The following HSPA1L variants were observed in gnomAD, a reference collection of about 807,000 sequenced individuals.
HSPA1L encodes the protein heat shock protein family A (Hsp70) member 1 like, also known as heat shock 70 kDa protein 1-like.
Under a neutral mutation model 31.5 loss-of-function variants are expected in HSPA1L, and 21 were observed. The ratio of observed to expected loss-of-function variants is 0.67; its 90% confidence interval spans 0.47 to 0.96. The LOEUF is 0.96. Among genes scored for constraint, HSPA1L ranks in the 40% least tolerant of loss-of-function variants. HSPA1L has a pLI of 0.00. For synonymous variants in HSPA1L, 293 were observed against 323.1 expected, an observed-to-expected ratio of 0.91 and a Z score of 1.00; for missense variants, 709 against 813.4, an observed-to-expected ratio of 0.87 and a Z score of 1.56.
intron 1 of HSPA1L, among the ~76,000 whole-genome samples, chr6:31,813,837 A>G (rs927183493): frequency 2.6e-5 from 4 of 152,146 alleles, no homozygotes; most frequent in Non-Finnish European, 5.9e-5. Context: ...TCCTGTTCCT[A>G]TATATTTTAC....
chr6:31,812,592 G>A (rs1026111422), intron 1 of HSPA1L, among the ~76,000 whole-genome samples: 10 of 151,968 alleles, frequency 6.6e-5, no homozygotes, highest in Non-Finnish European at 1.5e-4. Context: ...CCAAGTACTG[G>A]GATTACAGGA....
Position 31,810,414 on chromosome 6 carries a change from A to T in HSPA1L, c.1559T>A (p.Met520Lys). ...GRLSKEEIER[M>K]VLDAEKYKAE... The stretch of plus-strand genomic sequence containing the variant: ...TTTATATTTCTCAGCATCCAGAACC[A>T]TGCGCTCAATCTCCTCCTTGCTCAG... Residue 520 changes from methionine (M) to lysine (K), a missense_variant, in exon 2 of 2, where the codon ATG (methionine) becomes AAG (lysine). Met to Lys is a moderately conservative substitution (Grantham distance 95). Transcript: ENST00000375654. The T allele has an allele frequency of 6.2e-7, 1 of 1,613,826 alleles. No homozygotes were observed. The highest frequency in any genetic ancestry group is 8.5e-7 in the Non-Finnish European group (1 of 1,179,918).
In HSPA1L at chr6:31,810,435, C is replaced by G. The variant is rs1166029147; in HGVS notation, c.1538G>C (p.Ser513Thr). The G allele has an allele frequency of 6.2e-7, 1 of 1,613,988 alleles. No homozygotes were observed. The highest frequency in any genetic ancestry group is 1.3e-5 in the African/African-American group (1 of 75,010). Reference protein sequence around the residue: ...ITITNDKGRLSKEEIERMVLD... With the variant: ...ITITNDKGRLTKEEIERMVLD... ...AACCATGCGCTCAATCTCCTCCTTG[C>G]TCAGGCGGCCCTTGTCATTGGTGAT... Residue 513 changes from serine (S) to threonine (T), a missense_variant, in exon 2 of 2, where the codon AGC becomes ACC. Transcript: ENST00000375654.
intron 1 of HSPA1L, among the ~76,000 whole-genome samples, chr6:31,812,460 A>G (rs1025011038): frequency 1.3e-5 from 2 of 151,982 alleles, no homozygotes; most frequent in Non-Finnish European, 2.9e-5. Flanking sequence ...TACGTGAGCC[A>G]CCGTGACCAG....
rs35028415 is a variant in HSPA1L, at chr6:31,813,335, ACT to A, written c.-13-1352_-13-1351del. ...TGATTTTGTTTTGAGACAGAGTCTCACTCTGTTACCCAGGCTGGAGTGCAGTG... is the reference window on the plus strand; with the variant it reads ...TGATTTTGTTTTGAGACAGAGTCTCACTGTTACCCAGGCTGGAGTGCAGTG... On this transcript the variant is annotated intron_variant, in intron 1 of 1. Transcript: ENST00000375654. Among the ~76,000 whole-genome samples the A allele has an allele frequency of 3.9e-5, 6 of 152,046 alleles. No homozygotes were observed. In the East Asian group the frequency reaches 1.2e-3, roughly 29 times the overall value.
In HSPA1L at chr6:31,812,005, T is replaced by C. The variant is rs552349811; in HGVS notation, c.-13-20A>G. On this transcript the variant is annotated intron_variant, in intron 1 of 1. Transcript: ENST00000375654. Reference sequence around the variant, plus strand: ...TGAGGCCTATGGAGAAAGAATAAGATACTGTTTTGGGAGAGTGCTTTTCAA... The same window carrying C: ...TGAGGCCTATGGAGAAAGAATAAGACACTGTTTTGGGAGAGTGCTTTTCAA... The C allele has an allele frequency of 2.1e-5, 34 of 1,608,698 alleles. No homozygotes were observed. In the South Asian group the frequency reaches 3.4e-4, roughly 16 times the overall value.
At chr6:31,814,634 CCCCCTTACCCCGCCTT>C (rs35896792) in intron 1 of HSPA1L, among the ~76,000 whole-genome samples, 57 of 139,198 alleles carry the variant, frequency 4.1e-4, no homozygotes, top group Non-Finnish European at 6.1e-4. Flanking sequence ...TACCCCGCCT[CCCCCTTACCCCGCCTT>C]CCCCGCCTCC....
chr6:31,815,148 A>G lies in HSPA1L; in HGVS notation c.-273T>C. The G allele has an allele frequency of 2.6e-6, 1 of 381,102 alleles. No homozygotes were observed. Among genetic ancestry groups the G allele is most frequent in the Non-Finnish European group, 3.7e-6 (1 of 268,528 alleles). 23.6% of individuals were successfully genotyped at this position (381,102 alleles called of 1,614,324 possible). On this transcript the variant is annotated 5_prime_UTR_variant, in exon 1 of 2. Coordinates refer to ENST00000375654, the MANE Select transcript of HSPA1L (RefSeq NM_005527.4). ...CCCCCACCCTCCCCTGGACGCGCGT[A>G]ACCCGCTCCCCGCACCAGCCCCCTG...
chr6:31,810,415 T>C lies in HSPA1L; in HGVS notation c.1558A>G (p.Met520Val), dbSNP rs769779342. 6.2e-7 allele frequency: 1 copy of C among 1,613,878 alleles called. No homozygotes were observed. The highest frequency in any genetic ancestry group is 8.5e-7 in the Non-Finnish European group (1 of 1,179,930). Residue 520 changes from methionine (M) to valine (V), a missense_variant, in exon 2 of 2, where the codon ATG becomes GTG. Transcript: ENST00000375654. ...GRLSKEEIER[M>V]VLDAEKYKAE... The stretch of plus-strand genomic sequence containing the variant: ...TTATATTTCTCAGCATCCAGAACCA[T>C]GCGCTCAATCTCCTCCTTGCTCAGG...
Position 31,810,418 on chromosome 6 carries a change from G to C in HSPA1L, c.1555C>G (p.Arg519Gly). Reference sequence around the variant, plus strand: ...TATTTCTCAGCATCCAGAACCATGCGCTCAATCTCCTCCTTGCTCAGGCGG... The same window carrying C: ...TATTTCTCAGCATCCAGAACCATGCCCTCAATCTCCTCCTTGCTCAGGCGG... ...KGRLSKEEIE[R>G]MVLDAEKYKA... Residue 519 changes from arginine to glycine, a missense_variant, in exon 2 of 2, where the codon CGC (arginine) becomes GGC (glycine). By Grantham distance (125) the Arg-to-Gly change is moderately radical. Coordinates refer to ENST00000375654, the MANE Select transcript of HSPA1L (RefSeq NM_005527.4). 6.2e-7 allele frequency: 1 copy of C among 1,613,724 alleles called. No individual in the cohort carries two copies. The highest frequency in any genetic ancestry group is 8.5e-7 in the Non-Finnish European group (1 of 1,179,884).
intron 1 of HSPA1L, among the ~76,000 whole-genome samples, chr6:31,812,805 G>A (rs528632754): frequency 1.3e-5 from 2 of 151,862 alleles, no homozygotes; most frequent in East Asian, 1.9e-4. Context: ...TCCCTTTATC[G>A]CCTGGTAACA....
At chr6:31,812,097 T>A in intron 1 of HSPA1L, 112 bp from the exon 2 acceptor site, 2 of 1,307,626 alleles carry the variant, frequency 1.5e-6, no homozygotes, top group Non-Finnish European at 2.1e-6. Context: ...GGCGCAGTCA[T>A]AGCTCACTGC....
In HSPA1L at chr6:31,811,584, T is replaced by A; in HGVS notation, c.389A>T (p.Lys130Met). The change falls in exon 2 of 2, where the codon AAG becomes ATG. Residue 130 changes from lysine to methionine, a missense_variant. Physicochemically the swap from Lys to Met is moderately conservative, Grantham distance 95. Coordinates refer to ENST00000375654, the MANE Select transcript of HSPA1L (RefSeq NM_005527.4). ...GCCCAAAAAGGCCTCAGCAGTCTCC[T>A]TCAACTTAGTCAATACCATCGAAGA... The part of the protein sequence containing the change: ...EISSMVLTKL[K>M]ETAEAFLGHP... 1 of 1,614,164 alleles carries A rather than the reference T, an allele frequency of 6.2e-7. No individual in the cohort carries two copies. Among genetic ancestry groups the A allele is most frequent in the Non-Finnish European group, 8.5e-7 (1 of 1,180,022 alleles).
Position 31,814,909 on chromosome 6 carries a change from C to T in HSPA1L, c.-34G>A, listed in dbSNP as rs1359658609. On this transcript the variant is annotated 5_prime_UTR_variant, in exon 1 of 2. Coordinates refer to ENST00000375654, the MANE Select transcript of HSPA1L (RefSeq NM_005527.4). Reference sequence around the variant, plus strand: ...CTCACCTAGTCTCCCGACGCCTTCGCTTCAGTTTGGAAACGTCCAGATTAC... The same window carrying T: ...CTCACCTAGTCTCCCGACGCCTTCGTTTCAGTTTGGAAACGTCCAGATTAC... 9 of 985,562 alleles carry T rather than the reference C, an allele frequency of 9.1e-6. No homozygotes were observed. The highest frequency in any genetic ancestry group is 9.6e-6 in the Non-Finnish European group (8 of 830,162). The allele number at this position is 985,562 out of a possible 1,614,324, so 61.1% of individuals were successfully genotyped here. A position where few individuals can be genotyped will look rare whatever the true frequency, so the allele number is the denominator to read the frequency against.
Position 31,810,470 on chromosome 6 carries a change from G to C in HSPA1L, c.1503C>G (p.Asn501Lys). The part of the protein sequence containing the change: ...TATDKSTGKV[N>K]KITITNDKGR... ...CCTTGTCATTGGTGATGGTGATCTT[G>C]TTCACCTTGCCGGTGCTCTTGTCCG... is the stretch of plus-strand genomic sequence containing the variant. Residue 501 changes from asparagine to lysine, a missense_variant, in exon 2 of 2, where the codon AAC becomes AAG. Transcript: ENST00000375654. The C allele has an allele frequency of 6.2e-7, 1 of 1,613,918 alleles. No homozygotes were observed. The highest frequency in any genetic ancestry group is 8.5e-7 in the Non-Finnish European group (1 of 1,179,944).
chr6:31,810,985 T>C lies in HSPA1L; in HGVS notation c.988A>G (p.Lys330Glu), dbSNP rs757021527. 1.4e-5 allele frequency: 22 copies of C among 1,614,094 alleles called. No homozygotes were observed. The highest frequency in any genetic ancestry group is 1.8e-5 in the Non-Finnish European group (21 of 1,180,042). ...AAAACAATGTCATGGATTTTAGCCT[T>C]ATCCATCTTGGCATCCCGAAGCGCT... ...EKALRDAKMD[K>E]AKIHDIVLVG... Residue 330 changes from lysine (K) to glutamate (E), a missense_variant, in exon 2 of 2, where the codon AAG becomes GAG. By Grantham distance (56) the Lys-to-Glu change is moderately conservative (BLOSUM62 1). Coordinates refer to ENST00000375654, the MANE Select transcript of HSPA1L (RefSeq NM_005527.4).
Position 31,815,152 on chromosome 6 carries a change from C to G in HSPA1L, c.-277G>C. 1 of 366,906 alleles carries G rather than the reference C, an allele frequency of 2.7e-6. No individual in the cohort carries two copies. Among genetic ancestry groups the G allele is most frequent in the Non-Finnish European group, 3.9e-6 (1 of 254,222 alleles). The allele number at this position is 366,906 out of a possible 1,614,324, so 22.7% of individuals were successfully genotyped here. On this transcript the variant is annotated 5_prime_UTR_variant, in exon 1 of 2. Coordinates refer to ENST00000375654, the MANE Select transcript of HSPA1L (RefSeq NM_005527.4). ...CACCCTCCCCTGGACGCGCGTAACC[C>G]GCTCCCCGCACCAGCCCCCTGCCCA...
Position 31,810,915 on chromosome 6 carries a change from T to C in HSPA1L, c.1058A>G (p.Gln353Arg). 6.2e-7 allele frequency: 1 copy of C among 1,614,174 alleles called. No homozygotes were observed. Among genetic ancestry groups the C allele is most frequent in the Non-Finnish European group, 8.5e-7 (1 of 1,180,018 alleles). Residue 353 changes from glutamine to arginine, a missense_variant, in exon 2 of 2, where the codon CAG becomes CGG. By Grantham distance (43) the Gln-to-Arg change is conservative. Transcript: ENST00000375654. The part of the protein sequence containing the change: ...TRIPKVQRLL[Q>R]DYFNGRDLNK... ...GAGATCACGTCCATTGAAGTAGTCC[T>C]GAAGCAGCCGCTGCACCTTGGGGAT... is the stretch of plus-strand genomic sequence containing the variant.
chr6:31,815,002 C>G lies in HSPA1L; in HGVS notation c.-127G>C, dbSNP rs974701504. 1 of 305,070 alleles carries G rather than the reference C, an allele frequency of 3.3e-6. No individual in the cohort carries two copies. The highest frequency in any genetic ancestry group is 4.6e-6 in the Non-Finnish European group (1 of 217,110). The allele number at this position is 305,070 out of a possible 1,614,324, so 18.9% of individuals were successfully genotyped here. A position where few individuals can be genotyped will look rare whatever the true frequency, so the allele number is the denominator to read the frequency against. On this transcript the variant is annotated 5_prime_UTR_variant, in exon 1 of 2. Transcript: ENST00000375654. Reference sequence around the variant, plus strand: ...GCACAACCGGGGTCCCCCCACCCCCCACCCCGTCCCTCCCTGCAAATTTGA... The same window carrying G: ...GCACAACCGGGGTCCCCCCACCCCCGACCCCGTCCCTCCCTGCAAATTTGA...
Sources: allele counts gnomAD v4.1 joint callset (sites outside exome capture counted in the v4.1 genomes callset), GRCh38; gene constraint gnomAD v4.1.1; transcripts MANE v1.5; gene names NCBI Gene and HGNC (gene_info 2026-07-23, HGNC 2026-07-21).